The following SCHIP1 variants were observed in gnomAD, a reference collection of about 807,000 sequenced individuals.
SCHIP1 encodes the protein schwannomin interacting protein 1.
A neutral mutation model predicts 29.7 loss-of-function variants in SCHIP1; 8 were observed. That is an observed-to-expected ratio of 0.27 (90% CI 0.16 to 0.49). SCHIP1 has a LOEUF of 0.49. SCHIP1 is among the 20% of genes least tolerant of loss of function. The pLI is 0.99. For missense variants in SCHIP1, 193 were observed against 294.6 expected (o/e 0.66, Z 2.52); for synonymous variants, 76 against 94.9 (o/e 0.80, Z 1.16).
chr3:159,298,304 C>G, the SCHIP1 span, among the ~76,000 whole-genome samples: 1 of 152,170 alleles, frequency 6.6e-6, no homozygotes, highest in Non-Finnish European at 1.5e-5. Flanking sequence ...AAACTACTCC[C>G]TACAACTTCT....
the SCHIP1 span, among the ~76,000 whole-genome samples, chr3:159,559,100 A>G: frequency 6.6e-5 from 10 of 152,302 alleles, no homozygotes; most frequent in African/African-American, 2.4e-4. Context: ...AGAAGAATGG[A>G]ATGGGGACAA....
chr3:159,682,886 C>T, the SCHIP1 span, among the ~76,000 whole-genome samples: 4 of 151,966 alleles, frequency 2.6e-5, no homozygotes, highest in Non-Finnish European at 4.4e-5. Flanking sequence ...AACTTTTAAC[C>T]GTGACCTTGA....
At chr3:159,883,346 G>C (rs945426189) in intron 2 of SCHIP1, among the ~76,000 whole-genome samples, 3 of 152,178 alleles carry the variant, frequency 2.0e-5, no homozygotes, top group Non-Finnish European at 2.9e-5. Context: ...AGGGCAGCCA[G>C]ATGCACTGCA....
the SCHIP1 span, among the ~76,000 whole-genome samples, chr3:159,701,501 TTGGA>T: frequency 1.3e-5 from 2 of 152,322 alleles, 1 homozygote; most frequent in Middle Eastern, 6.8e-3. Context: ...AGAAAATGGT[TTGGA>T]TGATCTTGAT....
chr3:159,694,943 T>A, the SCHIP1 span, among the ~76,000 whole-genome samples: 1 of 152,156 alleles, frequency 6.6e-6, no homozygotes, highest in Non-Finnish European at 1.5e-5. Flanking sequence ...AGTAGTGCAA[T>A]TAGTAGGCTG....
chr3:159,766,684 T>C, the SCHIP1 span, among the ~76,000 whole-genome samples: 1 of 152,144 alleles, frequency 6.6e-6, no homozygotes, highest in African/African-American at 2.4e-5. Flanking sequence ...TATTCAAAAG[T>C]TGTGGAACAA....
chr3:159,395,463 A>G, the SCHIP1 span, among the ~76,000 whole-genome samples: 1 of 151,758 alleles, frequency 6.6e-6, no homozygotes, highest in Admixed American at 6.6e-5. Context: ...ATTTAGTGCT[A>G]TAAATTTCCC....
intron 2 of SCHIP1, among the ~76,000 whole-genome samples, chr3:159,876,594 T>A (rs1715840051): frequency 6.6e-6 from 1 of 152,230 alleles, no homozygotes; most frequent in Non-Finnish European, 1.5e-5. Context: ...GACAAATAGT[T>A]ATTTTATGTA....
the SCHIP1 span, among the ~76,000 whole-genome samples, chr3:159,369,194 A>C: frequency 2.0e-5 from 3 of 152,208 alleles, no homozygotes; most frequent in Non-Finnish European, 4.4e-5. Context: ...CATTATCTTC[A>C]GTAACAACCT....
the SCHIP1 span, among the ~76,000 whole-genome samples, chr3:159,347,536 C>T: frequency 6.6e-6 from 1 of 152,126 alleles, no homozygotes; most frequent in Non-Finnish European, 1.5e-5. Context: ...ATGTGAAATA[C>T]TTTATTAATA....
the SCHIP1 span, among the ~76,000 whole-genome samples, chr3:159,391,536 A>G: frequency 6.6e-6 from 1 of 152,192 alleles, no homozygotes; most frequent in Admixed American, 6.6e-5. Context: ...TATCTGTATA[A>G]AAACCATTCC....
the SCHIP1 span, among the ~76,000 whole-genome samples, chr3:159,311,525 T>C: frequency 6.6e-6 from 1 of 152,144 alleles, no homozygotes; most frequent in Non-Finnish European, 1.5e-5. Context: ...TGGCTAATAA[T>C]CTATAATTAT....
At chr3:159,762,387 AG>A in the SCHIP1 span, among the ~76,000 whole-genome samples, 1 of 152,180 alleles carries the variant, frequency 6.6e-6, no homozygotes, top group African/African-American at 2.4e-5. Context: ...CACTTCAAAA[AG>A]GATCTCAGCA....
chr3:159,414,429 A>T, the SCHIP1 span, among the ~76,000 whole-genome samples: 5 of 152,120 alleles, frequency 3.3e-5, no homozygotes, highest in Non-Finnish European at 7.4e-5. Context: ...AGTAGATGTT[A>T]TTTGAGTCCG....
At chr3:159,520,211 A>T in the SCHIP1 span, among the ~76,000 whole-genome samples, 1 of 152,128 alleles carries the variant, frequency 6.6e-6, no homozygotes. Context: ...ATAGAACCTG[A>T]CACTGCATGG....
At chr3:159,399,374 T>C in the SCHIP1 span, among the ~76,000 whole-genome samples, 1 of 152,210 alleles carries the variant, frequency 6.6e-6, no homozygotes, top group East Asian at 1.9e-4. Context: ...TTGCTTATTA[T>C]GTCTCTCCCA....
the SCHIP1 span, among the ~76,000 whole-genome samples, chr3:159,291,569 G>A: frequency 2.6e-5 from 4 of 152,124 alleles, no homozygotes; most frequent in Non-Finnish European, 5.9e-5. Flanking sequence ...ATGAAAGGTT[G>A]ATGGGAAATT....
rs1714606800 is a variant in SCHIP1 at position 159,866,149 on chromosome 3, T to C, written c.31-14T>C. 1 of 1,611,990 alleles carries C rather than the reference T, an allele frequency of 6.2e-7. No homozygotes were observed. The highest frequency in any genetic ancestry group is 1.3e-5 in the African/African-American group (1 of 74,868). On this transcript the variant is annotated splice_polypyrimidine_tract_variant and intron_variant, in intron 1 of 6. Coordinates refer to ENST00000445224, the Ensembl canonical transcript of SCHIP1. ...GCCCACTTATCAGCATTTTTTATTT[T>C]CTTGAAATTTTAGGCACAGAAAAAT...
At chr3:159,801,646 T>C in the SCHIP1 span, among the ~76,000 whole-genome samples, 7 of 152,180 alleles carry the variant, frequency 4.6e-5, no homozygotes, top group African/African-American at 1.7e-4. Flanking sequence ...ATTAACCTCC[T>C]GTTATAATCA....
Sources: gnomAD v4.1 joint callset for allele counts (sites outside exome capture counted in the v4.1 genomes callset) on GRCh38, gnomAD v4.1.1 for gene constraint, MANE v1.5 for transcripts, NCBI Gene and HGNC (gene_info 2026-07-23, HGNC 2026-07-21) for gene names.